AMOT: variants seen among roughly 807,000 people sequenced by gnomAD.
AMOT encodes the protein angiomotin.
In AMOT, 11 loss-of-function variants were observed where a neutral mutation model predicts 67.0. The ratio of observed to expected loss-of-function variants is 0.16; its 90% CI spans 0.10 to 0.27. AMOT has a LOEUF of 0.27. Ranked by LOEUF, AMOT falls within the 10% of genes least tolerant of loss-of-function variation. The probability of loss-of-function intolerance (pLI) is 1.00; values close to 1 mark genes in which losing one functional copy is unlikely to be tolerated. For missense variants in AMOT, 753 were observed against 852.0 expected (o/e 0.88, Z 1.45); for synonymous variants, 326 against 321.4 (o/e 1.01, Z -0.15).
chrX:112,778,711 C>A, intron 13 of AMOT, 47 bp from the exon 14 acceptor site: 1 of 1,086,845 alleles, frequency 9.2e-7, no homozygotes, highest in Non-Finnish European at 1.3e-6. Flanking sequence ...GAAGAAAAAA[C>A]CCATATTTCT....
intron 10 of AMOT, among the ~76,000 whole-genome samples, chrX:112,783,232 T>C (rs183714971): frequency 9.4e-6 from 1 of 106,903 alleles, no homozygotes; most frequent in African/African-American, 3.4e-5. Context: ...GAGGTGAAGG[T>C]TGTTGTGAGG....
At chrX:112,799,936 C>A (rs1321354621) in intron 8 of AMOT, among the ~76,000 whole-genome samples, 1 of 111,808 alleles carries the variant, frequency 8.9e-6, no homozygotes, top group Non-Finnish European at 1.9e-5. Flanking sequence ...AAAACACCTA[C>A]CTAAAAGTAA....
At chrX:112,831,558 G>C (rs1002285766) in intron 2 of AMOT, among the ~76,000 whole-genome samples, 3 of 110,494 alleles carry the variant, frequency 2.7e-5, no homozygotes, top group Non-Finnish European at 3.8e-5. Flanking sequence ...GGAAAACAGA[G>C]GTATGAGCTA....
At chrX:112,834,928 AT>A (rs1301270526) in intron 1 of AMOT, among the ~76,000 whole-genome samples, 2 of 111,857 alleles carry the variant, frequency 1.8e-5, no homozygotes, top group African/African-American at 6.5e-5. Context: ...AAACTGTTTA[AT>A]TTTTTTTCCA....
chrX:112,802,510 T>A (rs754360093), intron 8 of AMOT, among the ~76,000 whole-genome samples: 1 of 112,199 alleles, frequency 8.9e-6, no homozygotes, highest in African/African-American at 3.2e-5. Context: ...CTGGAAGACA[T>A]CACATGGCCT....
chrX:112,797,880 A>AAGAG (rs202086183), intron 8 of AMOT, among the ~76,000 whole-genome samples: 1 of 108,544 alleles, frequency 9.2e-6, no homozygotes, highest in Non-Finnish European at 1.9e-5. Flanking sequence ...AATAGAAAGA[A>AAGAG]AGAGAGAGAG....
At chrX:112,827,379 T>G (rs969693017) in intron 2 of AMOT, among the ~76,000 whole-genome samples, 4 of 112,173 alleles carry the variant, frequency 3.6e-5, no homozygotes, top group Non-Finnish European at 5.6e-5. Context: ...CACTACTCCA[T>G]TTATTTGAGA....
chrX:112,815,359 T>C lies in AMOT; in HGVS notation c.1391A>G (p.Lys464Arg). 8.3e-7 allele frequency: 1 copy of C among 1,205,595 alleles called. No individual in the cohort carries two copies. The highest frequency in any genetic ancestry group is 2.3e-4 in the Middle Eastern group (1 of 4,297). Residue 464 changes from lysine (K) to arginine (R), a missense_variant and splice_region_variant, in exon 5 of 14, where the codon AAG (lysine) becomes AGG (arginine). Coordinates refer to ENST00000371959, the MANE Select transcript of AMOT (RefSeq NM_001113490.2). ...GCYEKVARLQ[K>R]VETEIQRVSE... Reference sequence around the variant, plus strand: ...AATATCCCAAAACGGAAGCCTCACCTTCTGCAGTCTTGCCACCTTCTCATA... The same window carrying C: ...AATATCCCAAAACGGAAGCCTCACCCTCTGCAGTCTTGCCACCTTCTCATA...
At chrX:112,798,702 G>A (rs1933915283) in intron 8 of AMOT, among the ~76,000 whole-genome samples, 1 of 112,025 alleles carries the variant, frequency 8.9e-6, no homozygotes, top group Non-Finnish European at 1.9e-5. Context: ...ATTCACTTTG[G>A]CCCAGTCAAG....
At chrX:112,808,350 G>C (rs1198949722) in intron 7 of AMOT, among the ~76,000 whole-genome samples, 1 of 111,342 alleles carries the variant, frequency 9.0e-6, no homozygotes, top group Non-Finnish European at 1.9e-5. Flanking sequence ...CTACTATACC[G>C]GGCTGCCTTC....
At chrX:112,808,724 T>C (rs1934265253) in intron 7 of AMOT, among the ~76,000 whole-genome samples, 1 of 111,971 alleles carries the variant, frequency 8.9e-6, no homozygotes, top group Non-Finnish European at 1.9e-5. Context: ...ATACATTTTG[T>C]TTTGTTTTGA....
intron 2 of AMOT, among the ~76,000 whole-genome samples, chrX:112,829,672 G>A (rs957034786): frequency 8.9e-6 from 1 of 112,299 alleles, no homozygotes; most frequent in Non-Finnish European, 1.9e-5. Context: ...AAATCTTACT[G>A]AGGATCAGTG....
chrX:112,787,843 G>A (rs1424143298), intron 10 of AMOT, among the ~76,000 whole-genome samples: 1 of 111,540 alleles, frequency 9.0e-6, no homozygotes. Flanking sequence ...CCAGATTTAG[G>A]GATATAATTT....
Position 112,780,988 on chromosome X carries a change from T to C in AMOT, c.2371A>G (p.Ile791Val), listed in dbSNP as rs766135042. 4 of 1,211,790 alleles carry C rather than the reference T, an allele frequency of 3.3e-6. No homozygotes were observed. In the Admixed American group the frequency reaches 8.7e-5, roughly 26 times the overall value. ...CMRPAKSLMS[I>V]SNAGSGLLSH... is the part of the protein sequence containing the mutation. ...AGCAAGCCTGATCCAGCATTGGAAA[T>C]GGACATCAGAGACTTCGCTGGCCGC... The change falls in exon 12 of 14, where the codon ATT (isoleucine) becomes GTT (valine). Residue 791 changes from isoleucine (I) to valine (V), a missense_variant. Around this residue, in one of 5 missense-constraint regions of AMOT, gnomAD observed 269 missense variants for 300.9 expected, o/e 0.89. Coordinates refer to ENST00000371959, the MANE Select transcript of AMOT (RefSeq NM_001113490.2).
rs895346595 is a variant in AMOT at position 112,804,929 on chromosome X, T to C, written c.1776+18A>G. 5 of 673,995 alleles carry C rather than the reference T, an allele frequency of 7.4e-6. No individual in the cohort carries two copies. The highest frequency in any genetic ancestry group is 4.5e-5 in the African/African-American group (2 of 44,040). 55.5% of individuals were successfully genotyped at this position (673,995 alleles called of 1,213,427 possible). ...CCCTCCCACCCCCAGGCTCATATGC[T>C]ACCTGAGGAAACCATACCTCTTCTT... On this transcript the variant is annotated intron_variant, in intron 8 of 13. Coordinates refer to ENST00000371959, the MANE Select transcript of AMOT (RefSeq NM_001113490.2).
chrX:112,811,346 C>T lies in AMOT; in HGVS notation c.1440G>A (p.Val480=), dbSNP rs766279519. Residue 480 remains valine (V), a synonymous_variant, in exon 6 of 14, where the codon GTG becomes GTA. Transcript: ENST00000371959. ...GGGCCTCTCTTTTGGAGGATGACTT[C>T]ACGAGGTTCTCATATGCCTCCGAGA... is the stretch of plus-strand genomic sequence containing the variant. ...QRVSEAYENL[V]KSSSKREALE... is the part of the protein sequence containing the mutation. 1 of 1,210,322 alleles carries T rather than the reference C, an allele frequency of 8.3e-7. No homozygotes were observed. Among genetic ancestry groups the T allele is most frequent in the Admixed American group, 2.2e-5 (1 of 45,975 alleles).
Position 112,822,917 on chromosome X carries a change from C to A in AMOT, c.210G>T (p.Gln70His), listed in dbSNP as rs1156246253. The change falls in exon 4 of 14, where the codon CAG (glutamine) becomes CAT (histidine). Residue 70 changes from glutamine (Q) to histidine (H), a missense_variant. By Grantham distance (24) the Gln-to-His change is conservative (BLOSUM62 0). Transcript: ENST00000371959. The stretch of plus-strand genomic sequence containing the variant: ...CTTGTCGAGCAGCATGAGCCACAAG[C>A]TGTTGGTGGTGGTCTTGGGGACTCA... ...DVLSPQDHHQ[Q>H]LVAHAARQEP... 8 of 1,165,773 alleles carry A rather than the reference C, an allele frequency of 6.9e-6. No homozygotes were observed. In the South Asian group the frequency reaches 1.3e-4, roughly 19 times the overall value.
At chrX:112,788,064 T>C (rs1933433706) in intron 10 of AMOT, among the ~76,000 whole-genome samples, 1 of 110,543 alleles carries the variant, frequency 9.0e-6, no homozygotes, top group Non-Finnish European at 1.9e-5. Context: ...CCGAGACAGG[T>C]GGATCACAAG....
At chrX:112,811,587 C>T (rs1456266799) in intron 5 of AMOT, among the ~76,000 whole-genome samples, 194 bp from the exon 6 acceptor site, 1 of 111,603 alleles carries the variant, frequency 9.0e-6, no homozygotes, top group Non-Finnish European at 1.9e-5. Context: ...TAGTAATTAA[C>T]TCATGGTGTC....
Sources: gnomAD v4.1 joint callset for allele counts (sites outside exome capture counted in the v4.1 genomes callset) on GRCh38, gnomAD v4.1.1 for gene constraint, gnomAD v4.1.1 regional missense constraint, MANE v1.5 for transcripts, NCBI Gene and HGNC (gene_info 2026-07-23, HGNC 2026-07-21) for gene names.